Variants in BCOR observed in about 807,000 individuals in gnomAD.
The protein encoded by BCOR is BCL6 corepressor, also known as BCL-6 corepressor.
BCOR carries 10 observed loss-of-function variants against 86.7 expected under a neutral mutation model. That is an observed-to-expected ratio of 0.12 (90% CI 0.07 to 0.20). The LOEUF is 0.20. Among genes scored for constraint, BCOR ranks in the 10% least tolerant of loss-of-function variants. BCOR has a pLI of 1.00. For synonymous variants in BCOR, 611 were observed against 609.0 expected, an observed-to-expected ratio of 1.00 and a Z score of -0.05; for missense variants, 1,259 against 1,452.1, an observed-to-expected ratio of 0.87 and a Z score of 2.16.
At chrX:40,056,443 T>C (rs1934603700) in intron 11 of BCOR, among the ~76,000 whole-genome samples, 1 of 110,656 alleles carries the variant, frequency 9.0e-6, no homozygotes, top group African/African-American at 3.3e-5. Flanking sequence ...GAAACAGGCC[T>C]GGTGGGGTGT....
chrX:40,086,601 C>T (rs1431510078), intron 1 of BCOR, among the ~76,000 whole-genome samples: 1 of 113,630 alleles, frequency 8.8e-6, no homozygotes, highest in African/African-American at 3.2e-5. Context: ...TCTGGGGATG[C>T]GCTGGCCAGA....
intron 14 of BCOR, 175 bp downstream of exon 14, chrX:40,053,711 G>T: frequency 1.8e-6 from 1 of 541,424 alleles, no homozygotes; most frequent in East Asian, 3.6e-5. Context: ...CACACTGGGT[G>T]TAAGGAAGCT....
In BCOR at chrX:40,174,653, T is replaced by C. The variant is rs765987983; in HGVS notation, c.-41+2354A>G. ...TTGCAAGGAGTAAGCAACCCTCTAA[T>C]AGAAACTACAACTAAAATAATTCCT... On this transcript the variant is annotated intron_variant, in intron 1 of 14. Transcript: ENST00000342274. Among the ~76,000 whole-genome samples the C allele has an allele frequency of 4.4e-5, 5 of 112,588 alleles. No homozygotes were observed. The South Asian group carries it at 1.1e-3, about 25-fold the overall frequency.
upstream of BCOR, among the ~76,000 whole-genome samples, chrX:40,099,979 T>G (rs1354626358): frequency 1.8e-5 from 2 of 111,768 alleles, no homozygotes; most frequent in Admixed American, 9.4e-5. Context: ...GGGGTGGATA[T>G]CTCTGCAAGC....
At position 40,139,466 on chromosome X, in the gene BCOR, T is replaced by TAATATATATAC; in HGVS notation, c.-41+37540_-41+37541insGTATATATATT. The stretch of plus-strand genomic sequence containing the variant: ...TATATAATATATATACATATATATA[T>TAATATATATAC]ATATATATATATATATATATATATA... On this transcript the variant is annotated intron_variant, in intron 1 of 14. Coordinates refer to the BCOR transcript ENST00000342274. Among the ~76,000 whole-genome samples, 3 of 4,720 alleles carry TAATATATATAC rather than the reference T, an allele frequency of 6.4e-4. 1 individual carries two copies. Among genetic ancestry groups the TAATATATATAC allele is most frequent in the South Asian group, 0.017 (2 of 119 alleles). 4.1% of individuals were successfully genotyped at this position (4,720 alleles called of 115,157 possible).
chrX:40,154,955 GACACGCGCGCACACACACACACGC>G (rs1305467926), intron 1 of BCOR, among the ~76,000 whole-genome samples: 1 of 112,064 alleles, frequency 8.9e-6, no homozygotes, highest in Non-Finnish European at 1.9e-5. Context: ...GGTAATCGTG[GACACGCGCGCACACACACACACGC>G]ACGCGCGCGC....
intron 6 of BCOR, among the ~76,000 whole-genome samples, chrX:40,070,636 C>G (rs1816206332): frequency 9.0e-6 from 1 of 111,679 alleles, no homozygotes; most frequent in Non-Finnish European, 1.9e-5. Context: ...CTCTTCATTC[C>G]ACATCAGACT....
At chrX:40,080,402 T>C (rs1477414308) in intron 1 of BCOR, among the ~76,000 whole-genome samples, 2 of 110,594 alleles carry the variant, frequency 1.8e-5, no homozygotes, top group Non-Finnish European at 3.8e-5. Flanking sequence ...GATCGCACCA[T>C]TGCACTCCAG....
intron 8 of BCOR, 39 bp from the exon 9 acceptor site, chrX:40,063,110 G>GGGGGGGGGGGA: frequency 9.3e-6 from 6 of 644,509 alleles, no homozygotes; most frequent in Admixed American, 3.2e-5. Flanking sequence ...GGGCGGATGG[G>GGGGGGGGGGGA]AGACGGGAGA....
intron 6 of BCOR, 134 bp downstream of exon 6, chrX:40,070,838 GC>G (rs1935440664): frequency 3.4e-6 from 2 of 589,034 alleles, no homozygotes; most frequent in Non-Finnish European, 2.9e-6. Flanking sequence ...TTTCACAGAC[GC>G]CTCGTTCCTG....
intron 1 of BCOR, among the ~76,000 whole-genome samples, chrX:40,096,004 C>A (rs1205691144): frequency 8.9e-6 from 1 of 112,570 alleles, no homozygotes; most frequent in Non-Finnish European, 1.9e-5. Context: ...AAGGCTCTCT[C>A]CGTAAACAGC....
At chrX:40,148,020 G>A (rs935034752) in intron 1 of BCOR, among the ~76,000 whole-genome samples, 2 of 112,136 alleles carry the variant, frequency 1.8e-5, no homozygotes, top group Non-Finnish European at 3.8e-5. Flanking sequence ...CGTCTACAAG[G>A]CCATCAGAGA....
rs1934738713 is a variant in BCOR, at chrX:40,058,990, C to T, written c.4429-1669G>A. Among the ~76,000 whole-genome samples, 3 of 112,236 alleles carry T rather than the reference C, an allele frequency of 2.7e-5. No individual in the cohort carries two copies. In the Admixed American group the frequency reaches 2.8e-4, roughly 11 times the overall value. ...GCGCCACCGACTGCTGTGCACAGAT[C>T]AATCTACCCGGATCCCGGCAGCCGG... On this transcript the variant is annotated intron_variant, in intron 10 of 14. Transcript: ENST00000378444.
chrX:40,148,422 G>T (rs1938106069), intron 1 of BCOR, among the ~76,000 whole-genome samples: 1 of 110,995 alleles, frequency 9.0e-6, no homozygotes, highest in Non-Finnish European at 1.9e-5. Flanking sequence ...ACACTCAGTC[G>T]TTCTCACCCT....
At chrX:40,062,578 T>C (rs1404430583) in intron 9 of BCOR, among the ~76,000 whole-genome samples, 168 bp downstream of exon 9, 1 of 109,671 alleles carries the variant, frequency 9.1e-6, no homozygotes, top group Non-Finnish European at 1.9e-5. Context: ...CTTACTAGTT[T>C]GAAACTTCGC....
At position 40,055,426 on chromosome X, in the gene BCOR, G is replaced by A; in HGVS notation, c.4683C>T (p.Tyr1561=). The A allele has an allele frequency of 8.3e-7, 1 of 1,210,606 alleles. No individual in the cohort carries two copies. ...SYGADPTLAT[Y]SGRTIMKMTH... Reference sequence around the variant, plus strand: ...TCATTTTCATGATGGTTCTACCTGAGTACGTAGCCAAGGTGGGGTCAGCAC... The same window carrying A: ...TCATTTTCATGATGGTTCTACCTGAATACGTAGCCAAGGTGGGGTCAGCAC... The change falls in exon 12 of 15, where the codon TAC becomes TAT. Residue 1561 remains tyrosine (Y), a synonymous_variant. Transcript: ENST00000378444.
At chrX:40,086,017 G>A (rs1197739902) in intron 1 of BCOR, among the ~76,000 whole-genome samples, 1 of 112,187 alleles carries the variant, frequency 8.9e-6, no homozygotes, top group Non-Finnish European at 1.9e-5. Flanking sequence ...GCTTCAGGAC[G>A]GCACCTTTGC....
intron 1 of BCOR, among the ~76,000 whole-genome samples, chrX:40,176,312 G>T (rs1338811507): frequency 8.9e-6 from 1 of 112,412 alleles, no homozygotes; most frequent in Non-Finnish European, 1.9e-5. Flanking sequence ...CCCCGCTCCG[G>T]CTTGCACCCC....
upstream of BCOR, among the ~76,000 whole-genome samples, chrX:40,099,540 G>T (rs912908696): frequency 8.9e-6 from 1 of 112,196 alleles, no homozygotes; most frequent in African/African-American, 3.2e-5. Context: ...AATCCACACG[G>T]AAAGTTTTTA....
Sources: allele counts gnomAD v4.1 joint callset (sites outside exome capture counted in the v4.1 genomes callset), GRCh38; gene constraint gnomAD v4.1.1; transcripts MANE v1.5; gene names NCBI Gene and HGNC (gene_info 2026-07-23, HGNC 2026-07-21).